PLXDC2: variants seen among roughly 807,000 people sequenced by gnomAD.
The protein encoded by PLXDC2 is plexin domain-containing protein 2.
Under a neutral mutation model 68.9 loss-of-function variants are expected in PLXDC2, and 40 were observed. That is an observed-to-expected ratio of 0.58 (90% confidence interval 0.45 to 0.76). The LOEUF (loss-of-function observed/expected upper bound fraction) is 0.76, where lower values mean the gene tolerates loss of function less well. Among genes scored for constraint, PLXDC2 ranks in the 30% least tolerant of loss-of-function variants. PLXDC2 has a pLI of 0.00. For missense variants in PLXDC2, 644 were observed against 661.9 expected (o/e 0.97, Z 0.30); for synonymous variants, 243 against 234.2 (o/e 1.04, Z -0.34).
At chr10:20,223,535 A>T (rs1232839656) in intron 12 of PLXDC2, among the ~76,000 whole-genome samples, 3 of 150,664 alleles carry the variant, frequency 2.0e-5, no homozygotes. Flanking sequence ...CTGGTCTTGA[A>T]CTCCTGACCT....
chr10:19,999,750 C>T (rs192810140), intron 1 of PLXDC2, among the ~76,000 whole-genome samples: 5 of 152,084 alleles, frequency 3.3e-5, no homozygotes, highest in African/African-American at 4.8e-5. Context: ...TAAGGTGCCT[C>T]ATGTATGTTT....
intron 1 of PLXDC2, among the ~76,000 whole-genome samples, chr10:19,863,606 G>A (rs1030505520): frequency 6.6e-6 from 1 of 152,276 alleles, no homozygotes; most frequent in Non-Finnish European, 1.5e-5. Flanking sequence ...ATTTTTGCTT[G>A]AATAAGTTAA....
intron 3 of PLXDC2, among the ~76,000 whole-genome samples, chr10:20,056,001 C>T (rs1303209826): frequency 1.3e-5 from 2 of 152,032 alleles, no homozygotes; most frequent in African/African-American, 4.8e-5. Context: ...AGTAGGGATT[C>T]AAAAGCATAG....
rs12262669 is a variant in PLXDC2 at position 19,860,340 on chromosome 10, T to C, written c.112+43149T>C. Reference sequence around the variant, plus strand: ...GCTCCCCAGTCCAGTGTGCTTGCCATGGTACTAAGATTTTCCAGCAGCAAG... The same window carrying C: ...GCTCCCCAGTCCAGTGTGCTTGCCACGGTACTAAGATTTTCCAGCAGCAAG... On this transcript the variant is annotated intron_variant, in intron 1 of 13. Transcript: ENST00000377252. Among the ~76,000 whole-genome samples, 1,419 of 152,270 alleles carry C rather than the reference T, an allele frequency of 9.3e-3. 18 individuals are homozygous for C. Among genetic ancestry groups the C allele is most frequent in the African/African-American group, 0.033 (1,374 of 41,552 alleles).
intron 1 of PLXDC2, among the ~76,000 whole-genome samples, chr10:19,981,372 G>A (rs1418320757): frequency 6.6e-6 from 1 of 152,172 alleles, no homozygotes; most frequent in African/African-American, 2.4e-5. Flanking sequence ...AGGCCCAGAG[G>A]GAAGTGATAC....
chr10:19,974,799 C>T (rs1834420431), intron 1 of PLXDC2, among the ~76,000 whole-genome samples: 1 of 152,156 alleles, frequency 6.6e-6, no homozygotes, highest in South Asian at 2.1e-4. Flanking sequence ...AATATCTAAA[C>T]TTGGACTGTA....
At chr10:19,893,114 C>T (rs904586326) in intron 1 of PLXDC2, among the ~76,000 whole-genome samples, 17 of 152,016 alleles carry the variant, frequency 1.1e-4, no homozygotes, top group Non-Finnish European at 5.9e-5. Context: ...GTAATCTTAT[C>T]GGCTTATGCA....
intron 2 of PLXDC2, among the ~76,000 whole-genome samples, chr10:20,021,638 C>T (rs1032488537): frequency 1.3e-5 from 2 of 151,924 alleles, no homozygotes; most frequent in African/African-American, 4.8e-5. Context: ...ACACAAACCT[C>T]ACTCATTCTG....
chr10:19,933,301 A>G (rs1232544499), intron 1 of PLXDC2, among the ~76,000 whole-genome samples: 1 of 152,180 alleles, frequency 6.6e-6, no homozygotes, highest in Non-Finnish European at 1.5e-5. Context: ...AATTTCAACT[A>G]CAGCTTTTTA....
chr10:20,167,958 C>A (rs1834396719), intron 7 of PLXDC2, among the ~76,000 whole-genome samples: 1 of 152,082 alleles, frequency 6.6e-6, no homozygotes. Flanking sequence ...TGAAGACCCC[C>A]AAATAGTAAA....
chr10:19,947,332 T>C lies in PLXDC2; in HGVS notation c.113-54443T>C, dbSNP rs7919109. On this transcript the variant is annotated intron_variant, in intron 1 of 13. Coordinates refer to ENST00000377252, the MANE Select transcript of PLXDC2 (RefSeq NM_032812.9). ...TAGTGGTAACTTGTTATAGCAGCAATGGGAAACACGCCACTGTTGAGTGCA... is the reference window on the plus strand; with the variant it reads ...TAGTGGTAACTTGTTATAGCAGCAACGGGAAACACGCCACTGTTGAGTGCA... 7.3e-3 allele frequency among the ~76,000 whole-genome samples: 1,116 copies of C among 152,268 alleles called. 20 individuals carry two copies. The highest frequency in any genetic ancestry group is 0.025 in the African/African-American group (1,058 of 41,562).
At chr10:19,882,597 T>C (rs1837748450) in intron 1 of PLXDC2, among the ~76,000 whole-genome samples, 1 of 152,216 alleles carries the variant, frequency 6.6e-6, no homozygotes, top group Non-Finnish European at 1.5e-5. Flanking sequence ...AGCTATGTGG[T>C]AGAGCTAAAT....
intron 1 of PLXDC2, among the ~76,000 whole-genome samples, chr10:19,917,257 A>G (rs1002997314): frequency 2.0e-5 from 3 of 152,122 alleles, no homozygotes; most frequent in Admixed American, 6.6e-5. Context: ...GCACAGAGGC[A>G]GGATAGAACT....
chr10:20,272,490 CT>C (rs1216198567), intron 13 of PLXDC2, among the ~76,000 whole-genome samples: 2 of 151,944 alleles, frequency 1.3e-5, no homozygotes, highest in Non-Finnish European at 2.9e-5. Flanking sequence ...ACCCATGAGT[CT>C]GAGTGCCATG....
At chr10:19,874,354 GT>G (rs1837595725) in intron 1 of PLXDC2, among the ~76,000 whole-genome samples, 1 of 152,132 alleles carries the variant, frequency 6.6e-6, no homozygotes. Context: ...CCTCTTACTG[GT>G]TAGTACTGAG....
intron 4 of PLXDC2, among the ~76,000 whole-genome samples, chr10:20,135,084 C>T (rs992232737): frequency 6.6e-6 from 1 of 152,126 alleles, no homozygotes; most frequent in Non-Finnish European, 1.5e-5. Context: ...TCTCTTAGTT[C>T]TTGTGAAGGT....
At chr10:20,129,294 T>G (rs1030842455) in intron 4 of PLXDC2, among the ~76,000 whole-genome samples, 4 of 152,150 alleles carry the variant, frequency 2.6e-5, no homozygotes, top group Admixed American at 6.6e-5. Context: ...AAATGTCGGT[T>G]CAAGTCATTT....
chr10:20,193,609 T>C (rs1834797527), intron 9 of PLXDC2, among the ~76,000 whole-genome samples: 1 of 152,008 alleles, frequency 6.6e-6, no homozygotes, highest in Admixed American at 6.6e-5. Context: ...TTACATAGCT[T>C]TTGCTATAAA....
Position 20,281,313 on chromosome 10 carries a change from A to C in PLXDC2, c.*1494A>C, listed in dbSNP as rs913387339. On this transcript the variant is annotated 3_prime_UTR_variant, in exon 14 of 14. Transcript: ENST00000377252. ...GGTTAATATACATACTGAGCTCCTAAAGTTTAAATTCAGGTACTGAGTGTA... is the reference window on the plus strand; with the variant it reads ...GGTTAATATACATACTGAGCTCCTACAGTTTAAATTCAGGTACTGAGTGTA... 4.6e-5 allele frequency: 7 copies of C among 152,156 alleles called. No homozygotes were observed. Among genetic ancestry groups the C allele is most frequent in the African/African-American group, 1.7e-4 (7 of 41,454 alleles). The allele number at this position is 152,156 out of a possible 1,614,324, so 9.4% of individuals were successfully genotyped here. A position where few individuals can be genotyped will look rare whatever the true frequency, so the allele number is the denominator to read the frequency against.
Sources: allele counts gnomAD v4.1 joint callset (sites outside exome capture counted in the v4.1 genomes callset), GRCh38; gene constraint gnomAD v4.1.1; transcripts MANE v1.5; gene names NCBI Gene and HGNC (gene_info 2026-07-23, HGNC 2026-07-21).